The following CFLAR variants were observed in gnomAD, a reference collection of about 807,000 sequenced individuals.
The protein encoded by CFLAR is CASP8 and FADD-like apoptosis regulator.
CFLAR carries 14 observed loss-of-function variants against 51.1 expected under a neutral mutation model. The ratio of observed to expected loss-of-function variants is 0.27; its 90% CI spans 0.18 to 0.43. CFLAR has a LOEUF of 0.43. CFLAR is among the 20% of genes least tolerant of loss of function. The probability of loss-of-function intolerance (pLI) is 1.00; values close to 1 mark genes in which losing one functional copy is unlikely to be tolerated. For missense variants in CFLAR, 390 were observed against 566.5 expected (o/e 0.69, Z 3.16); for synonymous variants, 210 against 211.6 (o/e 0.99, Z 0.06).
At chr2:201,145,495 T>A in intron 6 of CFLAR, 63 bp downstream of exon 6, 1 of 1,080,768 alleles carries the variant, frequency 9.3e-7, no homozygotes, top group South Asian at 1.3e-5. Flanking sequence ...GTACAAATAT[T>A]GCATTTTTAG....
chr2:201,123,580 C>G (rs1427997066), intron 1 of CFLAR, among the ~76,000 whole-genome samples: 1 of 152,162 alleles, frequency 6.6e-6, no homozygotes, highest in Non-Finnish European at 1.5e-5. Context: ...GAGGGAGGCG[C>G]CTCCAGGGAA....
intron 6 of CFLAR, chr2:201,145,729 A>G (rs1234536331): frequency 3.4e-6 from 1 of 293,192 alleles, no homozygotes; most frequent in East Asian, 7.1e-5. Context: ...CATGTTAAAC[A>G]TTGATCCAAC....
Position 201,124,174 on chromosome 2 carries a change from T to C in CFLAR, c.-137-5555T>C, listed in dbSNP as rs369969511. ...CTTTGCTACTGATTACAGGGAACAA[T>C]ATGTGCCTTTGTTACCAGATAGTTT... On this transcript the variant is annotated intron_variant, in intron 1 of 9. Transcript: ENST00000309955. The surrounding 1 kb of genome is among the most constrained non-coding windows in gnomAD (Gnocchi z 4.7). Among the ~76,000 whole-genome samples the C allele has an allele frequency of 3.3e-5, 5 of 152,198 alleles. No individual in the cohort carries two copies. The highest frequency in any genetic ancestry group is 1.2e-4 in the African/African-American group (5 of 41,464).
chr2:201,135,177 G>T (rs1465012188), intron 3 of CFLAR, among the ~76,000 whole-genome samples: 2 of 152,162 alleles, frequency 1.3e-5, no homozygotes, highest in African/African-American at 4.8e-5. Flanking sequence ...AATCCCCTGA[G>T]TCAGAACGTC....
intron 4 of CFLAR, 179 bp from the exon 5 acceptor site, chr2:201,140,178 A>G (rs900394388): frequency 1.6e-6 from 1 of 639,778 alleles, no homozygotes; most frequent in Non-Finnish European, 2.5e-6. Context: ...GGCGCCCTAT[A>G]CTCCATTCTT....
intron 5 of CFLAR, chr2:201,143,606 G>A (rs939834176): frequency 3.9e-5 from 6 of 152,310 alleles, no homozygotes; most frequent in Non-Finnish European, 5.9e-5. Flanking sequence ...ATATGAGGCT[G>A]CAGAAGTGCT....
intron 6 of CFLAR, among the ~76,000 whole-genome samples, chr2:201,145,879 A>G (rs985400680): frequency 6.6e-6 from 1 of 152,190 alleles, no homozygotes; most frequent in Non-Finnish European, 1.5e-5. Flanking sequence ...AAAACGTGCA[A>G]TTTAAAGATG....
Position 201,138,589 on chromosome 2 carries a change from T to G in CFLAR, c.524-1768T>G. The stretch of plus-strand genomic sequence containing the variant: ...AAGTCGATGTCTCGGGAGGTGACGA[T>G]GCCCACCAGCTTGCTGCCCATGGTA... On this transcript the variant is annotated intron_variant, in intron 4 of 9. Transcript: ENST00000309955. This position sits in a 1 kb window ranked among gnomAD's most constrained non-coding sequence, Gnocchi z 4.0. 6.3e-7 allele frequency: 1 copy of G among 1,593,972 alleles called. No homozygotes were observed. Among genetic ancestry groups the G allele is most frequent in the Non-Finnish European group, 8.5e-7 (1 of 1,176,000 alleles).
chr2:201,154,525 A>G (rs554069961), intron 8 of CFLAR: 4 of 152,334 alleles, frequency 2.6e-5, no homozygotes, highest in South Asian at 4.1e-4. Context: ...TATAATTTCC[A>G]TGAAGGTGAG....
chr2:201,139,617 T>C (rs990022184), intron 4 of CFLAR: 1 of 153,520 alleles, frequency 6.5e-6, no homozygotes, highest in African/African-American at 2.4e-5. Context: ...GCAGCACTAC[T>C]GCTCTTTAAG....
intron 5 of CFLAR, among the ~76,000 whole-genome samples, chr2:201,140,940 T>C (rs2125777353): frequency 6.6e-6 from 1 of 152,282 alleles, no homozygotes; most frequent in Non-Finnish European, 1.5e-5. Flanking sequence ...GTTTTAAAAG[T>C]ATTTTTTTGC....
chr2:201,130,270 C>T, intron 2 of CFLAR, 124 bp downstream of exon 2: 1 of 768,318 alleles, frequency 1.3e-6, no homozygotes, highest in Non-Finnish European at 1.9e-6. Flanking sequence ...GCCCACTTAT[C>T]CAACTGCCAG....
In CFLAR at chr2:201,164,261, G is replaced by A; in HGVS notation, c.*288G>A. The A allele has an allele frequency of 5.1e-6, 1 of 195,326 alleles. No individual in the cohort carries two copies. The allele number at this position is 195,326 out of a possible 1,614,324, so 12.1% of individuals were successfully genotyped here. A position where few individuals can be genotyped will look rare whatever the true frequency, so the allele number is the denominator to read the frequency against. Reference sequence around the variant, plus strand: ...ACTGCATACCAACCTGGGCAATATAGCAAGATCCCATCTCTTTAAAAAAAA... The same window carrying A: ...ACTGCATACCAACCTGGGCAATATAACAAGATCCCATCTCTTTAAAAAAAA... On this transcript the variant is annotated 3_prime_UTR_variant, in exon 10 of 10. Transcript: ENST00000309955.
In CFLAR at chr2:201,129,817, C is replaced by T. The variant is rs10931931; in HGVS notation, c.-49C>T. 0.14 allele frequency: 223,851 copies of T among 1,573,690 alleles called. 18,773 individuals carry two copies. Among genetic ancestry groups the T allele is most frequent in the African/African-American group, 0.36 (26,575 of 74,056 alleles). On this transcript the variant is annotated 5_prime_UTR_variant, in exon 2 of 10. Transcript: ENST00000309955. Reference sequence around the variant, plus strand: ...CCTGCTGGCTTTCTGTTGACTGGCCCGGAGCTGTACTGCAAGACCCTTGTG... The same window carrying T: ...CCTGCTGGCTTTCTGTTGACTGGCCTGGAGCTGTACTGCAAGACCCTTGTG...
In CFLAR at chr2:201,161,422, T is replaced by A. The variant is rs550375080; in HGVS notation, c.1304+480T>A. The stretch of plus-strand genomic sequence containing the variant: ...AACAAATTTATTTATTTTTATTTAT[T>A]TTTTTTTTTGAGATGGAGTCTTGCT... On this transcript the variant is annotated intron_variant, in intron 9 of 9. Coordinates refer to ENST00000309955, the MANE Select transcript of CFLAR (RefSeq NM_003879.7). Among the ~76,000 whole-genome samples the A allele has an allele frequency of 7.4e-3, 1,113 of 149,758 alleles. 20 individuals are homozygous for A. Among genetic ancestry groups the A allele is most frequent in the African/African-American group, 0.026 (1,075 of 40,966 alleles).
chr2:201,145,568 T>G, intron 6 of CFLAR, 136 bp downstream of exon 6: 1 of 639,994 alleles, frequency 1.6e-6, no homozygotes, highest in South Asian at 2.0e-5. Flanking sequence ...CTGGTTAAAC[T>G]CTTACGATAG....
intron 1 of CFLAR, among the ~76,000 whole-genome samples, chr2:201,119,621 AC>A (rs1485651864): frequency 1.3e-5 from 2 of 151,954 alleles, no homozygotes; most frequent in Non-Finnish European, 1.5e-5. Context: ...AAGACTTGAC[AC>A]CCCACCCTGG....
At chr2:201,142,379 G>A (rs1297506184) in intron 5 of CFLAR, among the ~76,000 whole-genome samples, 1 of 151,944 alleles carries the variant, frequency 6.6e-6, no homozygotes, top group African/African-American at 2.4e-5. Context: ...GAATATGTCT[G>A]TAAGAGACAC....
At chr2:201,163,572 A>T in intron 9 of CFLAR, 1 of 1,250,148 alleles carries the variant, frequency 8.0e-7, no homozygotes, top group East Asian at 3.9e-5. Flanking sequence ...GCCCATCCCC[A>T]TTTGCATAGA....
Sources: allele counts gnomAD v4.1 joint callset (sites outside exome capture counted in the v4.1 genomes callset), GRCh38; gene constraint gnomAD v4.1.1; non-coding constraint Gnocchi (gnomAD v3.1); transcripts MANE v1.5; gene names NCBI Gene and HGNC (gene_info 2026-07-23, HGNC 2026-07-21).